OSBPL1A: variants seen among roughly 807,000 people sequenced by gnomAD.
OSBPL1A encodes oxysterol-binding protein-related protein 1.
Under a neutral mutation model 137.1 loss-of-function variants are expected in OSBPL1A, and 80 were observed. The ratio of observed to expected loss-of-function variants is 0.58; its 90% confidence interval spans 0.49 to 0.70. The LOEUF (loss-of-function observed/expected upper bound fraction) is 0.70. Among genes scored for constraint, OSBPL1A ranks in the 30% least tolerant of loss-of-function variants. OSBPL1A has a pLI of 0.00. For synonymous variants in OSBPL1A, 365 were observed against 389.7 expected (o/e 0.94, Z 0.75); for missense variants, 970 against 1,129.4 (o/e 0.86, Z 2.02).
intron 13 of OSBPL1A, among the ~76,000 whole-genome samples, chr18:24,306,941 A>C (rs111920507): frequency 2.6e-3 from 397 of 152,102 alleles, no homozygotes; most frequent in African/African-American, 9.3e-3. Context: ...TCCTAACTCC[A>C]GCCAAATCCA....
chr18:24,361,795 G>A (rs1261582318), intron 4 of OSBPL1A, among the ~76,000 whole-genome samples: 1 of 152,072 alleles, frequency 6.6e-6, no homozygotes, highest in Non-Finnish European at 1.5e-5. Context: ...TTGAGGTCAG[G>A]AGTTTGAGAC....
chr18:24,203,909 A>G (rs749045649), intron 17 of OSBPL1A, among the ~76,000 whole-genome samples: 2 of 152,244 alleles, frequency 1.3e-5, no homozygotes, highest in Non-Finnish European at 2.9e-5. Flanking sequence ...TAAGAATACT[A>G]TATCTCAAAA....
At chr18:24,170,516 C>T (rs901163402) in intron 23 of OSBPL1A, 63 bp from the exon 24 acceptor site, 19 of 1,597,628 alleles carry the variant, frequency 1.2e-5, no homozygotes, top group Non-Finnish European at 1.6e-5. Context: ...GCCGACAGCA[C>T]CTGGTATTCC....
At chr18:24,252,832 T>C (rs1053440183) in intron 15 of OSBPL1A, among the ~76,000 whole-genome samples, 2 of 151,944 alleles carry the variant, frequency 1.3e-5, no homozygotes, top group Non-Finnish European at 2.9e-5. Flanking sequence ...GAGAATGAAG[T>C]AAAGTGTAGA....
rs547365028 is a variant in OSBPL1A at position 24,391,279 on chromosome 18, C to T, written c.-3+6376G>A. On this transcript the variant is annotated intron_variant, in intron 1 of 27. Coordinates refer to ENST00000319481, the MANE Select transcript of OSBPL1A (RefSeq NM_080597.4). ...AACATAGAATGGTGGTTGCCGGTGG[C>T]TCGGAGAAGGGAGGAAGAAATAGGG... is the stretch of plus-strand genomic sequence containing the variant. 2.0e-5 allele frequency among the ~76,000 whole-genome samples: 3 copies of T among 152,102 alleles called. No individual in the cohort carries two copies. In the East Asian group the frequency reaches 5.8e-4, roughly 29 times the overall value.
intron 18 of OSBPL1A, among the ~76,000 whole-genome samples, chr18:24,185,607 C>G (rs1445194789): frequency 6.6e-6 from 1 of 152,180 alleles, no homozygotes; most frequent in African/African-American, 2.4e-5. Context: ...GCATGAGCCA[C>G]TGCACCCATC....
rs11661844 is a variant in OSBPL1A at position 24,249,492 on chromosome 18, C to T, written c.1282-10110G>A. Among the ~76,000 whole-genome samples the T allele has an allele frequency of 8.2e-3, 1,246 of 152,276 alleles. 5 individuals are homozygous for T. Among genetic ancestry groups the T allele is most frequent in the Non-Finnish European group, 0.014 (919 of 68,024 alleles). On this transcript the variant is annotated intron_variant, in intron 15 of 27. Transcript: ENST00000319481. ...GCAATCACAGCACCTGATTTCATAT[C>T]TCTGAAAAAGGTATTGAGGAGGGTC...
chr18:24,250,174 G>GTT (rs1233264916), intron 15 of OSBPL1A, among the ~76,000 whole-genome samples: 112 of 75,292 alleles, frequency 1.5e-3, no homozygotes, highest in South Asian at 3.9e-3. Flanking sequence ...TTGTTTGTTT[G>GTT]TTTGTTTGTT....
chr18:24,304,466 A>G (rs1336733462), intron 13 of OSBPL1A, among the ~76,000 whole-genome samples: 1 of 152,174 alleles, frequency 6.6e-6, no homozygotes, highest in African/African-American at 2.4e-5. Context: ...TTTATATATC[A>G]TTTCCCTTTA....
intron 15 of OSBPL1A, among the ~76,000 whole-genome samples, chr18:24,269,885 C>CACACACACACACACACACA (rs375934061): frequency 2.0e-5 from 3 of 151,224 alleles, no homozygotes; most frequent in African/African-American, 4.9e-5. Flanking sequence ...CACACACACA[C>CACACACACACACACACACA]CATGCTAATT....
intron 4 of OSBPL1A, among the ~76,000 whole-genome samples, chr18:24,345,481 G>C (rs2091332036): frequency 6.6e-6 from 1 of 152,114 alleles, no homozygotes; most frequent in Admixed American, 6.5e-5. Flanking sequence ...GAGATCAGGA[G>C]TTCAAGACCA....
intron 15 of OSBPL1A, among the ~76,000 whole-genome samples, chr18:24,249,607 A>G (rs1683925586): frequency 6.6e-6 from 1 of 152,164 alleles, no homozygotes; most frequent in Admixed American, 6.5e-5. Context: ...CTTGCAGAGT[A>G]CACCAACTGG....
At chr18:24,234,190 T>C (rs963521918) in intron 16 of OSBPL1A, among the ~76,000 whole-genome samples, 10 of 152,188 alleles carry the variant, frequency 6.6e-5, no homozygotes, top group Admixed American at 2.0e-4. Context: ...TATAAGCTTA[T>C]TTGAAGAATA....
intron 15 of OSBPL1A, among the ~76,000 whole-genome samples, chr18:24,260,718 A>G (rs2146040941): frequency 6.6e-6 from 1 of 152,232 alleles, no homozygotes. Flanking sequence ...TTTTGGAATA[A>G]GACAGAGGTG....
At chr18:24,249,452 C>G (rs948666765) in intron 15 of OSBPL1A, among the ~76,000 whole-genome samples, 4 of 152,122 alleles carry the variant, frequency 2.6e-5, no homozygotes, top group Non-Finnish European at 4.4e-5. Flanking sequence ...ATCACAAGAA[C>G]CAAAAATCAG....
At chr18:24,331,466 G>A (rs1482856017) in intron 7 of OSBPL1A, among the ~76,000 whole-genome samples, 1 of 147,990 alleles carries the variant, frequency 6.8e-6, no homozygotes, top group Non-Finnish European at 1.5e-5. Flanking sequence ...GCGCGATCTC[G>A]GCTCACTGCA....
intron 17 of OSBPL1A, among the ~76,000 whole-genome samples, chr18:24,222,817 T>C (rs996956090): frequency 6.6e-5 from 10 of 152,300 alleles, no homozygotes; most frequent in Admixed American, 4.6e-4. Context: ...ACAGTCTCTC[T>C]TTAAAAAATA....
At chr18:24,175,108 GTA>G (rs71163664) in intron 21 of OSBPL1A, among the ~76,000 whole-genome samples, 6 of 111,496 alleles carry the variant, frequency 5.4e-5, no homozygotes, top group South Asian at 2.7e-4. Flanking sequence ...CCATGTGTAT[GTA>G]TATATATATA....
chr18:24,241,423 A>ATTTACAAGAAAAAAACAAT (rs1344238866), intron 15 of OSBPL1A, among the ~76,000 whole-genome samples: 1 of 152,174 alleles, frequency 6.6e-6, no homozygotes, highest in African/African-American at 2.4e-5. Context: ...ACTTAAACAA[A>ATTTACAAGAAAAAAACAAT]TTTACAAGAA....
Sources: allele counts gnomAD v4.1 joint callset (sites outside exome capture counted in the v4.1 genomes callset), GRCh38; gene constraint gnomAD v4.1.1; transcripts MANE v1.5; gene names NCBI Gene and HGNC (gene_info 2026-07-23, HGNC 2026-07-21).